The following MROH2A variants were observed in gnomAD, a reference collection of about 807,000 sequenced individuals.
MROH2A encodes maestro heat-like repeat-containing protein family member 2A.
In MROH2A, 174 loss-of-function variants were observed where a neutral mutation model predicts 200.4. That is an observed-to-expected ratio of 0.87 (90% CI 0.77 to 0.98). The LOEUF is 0.98. MROH2A is among the 50% of genes least tolerant of loss of function. The pLI is 0.00. For missense variants in MROH2A, 2,045 were observed against 2,139.6 expected, an observed-to-expected ratio of 0.96 and a Z score of 0.87; for synonymous variants, 829 against 840.4, an observed-to-expected ratio of 0.99 and a Z score of 0.23.
intron 33 of MROH2A, 54 bp from the exon 34 acceptor site, chr2:233,822,827 C>T (rs923935396): frequency 1.4e-5 from 22 of 1,539,936 alleles, no homozygotes; most frequent in Middle Eastern, 1.7e-4. Context: ...GCAGCCTCCC[C>T]AGGCCATGCG....
At position 233,828,836 on chromosome 2, in the gene MROH2A, CCT is replaced by C; in HGVS notation, c.4264-53_4264-52del. 1 of 1,549,198 alleles carries C rather than the reference CCT, an allele frequency of 6.5e-7. No homozygotes were observed. The highest frequency in any genetic ancestry group is 1.2e-5 in the South Asian group (1 of 83,948). On this transcript the variant is annotated intron_variant, in intron 36 of 41. Coordinates refer to ENST00000389758, the MANE Select transcript of MROH2A (RefSeq NM_001394639.1). The surrounding 1 kb of genome is among the most constrained non-coding windows in gnomAD (Gnocchi z 4.6). Reference sequence around the variant, plus strand: ...GGAGCTGAGGGTGCAGGCCGGGTGCCCTGGTCAGCCTGGGAGGGAGGGTGCAG... The same window carrying C: ...GGAGCTGAGGGTGCAGGCCGGGTGCCGGTCAGCCTGGGAGGGAGGGTGCAG...
intron 24 of MROH2A, among the ~76,000 whole-genome samples, 183 bp from the exon 25 acceptor site, chr2:233,813,487 A>C (rs551616650): frequency 2.0e-5 from 3 of 152,338 alleles, no homozygotes; most frequent in Non-Finnish European, 2.9e-5. Context: ...AGCAAGAGTC[A>C]CTGGACACTG....
rs1027731406 is a variant in MROH2A, at chr2:233,822,322, C to T, written c.3672+39C>T. 6 of 1,548,178 alleles carry T rather than the reference C, an allele frequency of 3.9e-6. No homozygotes were observed. In the African/African-American group the frequency reaches 4.1e-5, roughly 11 times the overall value. On this transcript the variant is annotated intron_variant, in intron 32 of 41. Coordinates refer to ENST00000389758, the MANE Select transcript of MROH2A (RefSeq NM_001394639.1). ...GCAGGCCCCAAGGCTCCTCAGGGGT[C>T]TCTGGGTAGGAGCCCGATGCCCTGG... is the stretch of plus-strand genomic sequence containing the variant.
At chr2:233,812,444 A>G (rs1021667520) in intron 24 of MROH2A, among the ~76,000 whole-genome samples, 1 of 152,226 alleles carries the variant, frequency 6.6e-6, no homozygotes, top group Non-Finnish European at 1.5e-5. Context: ...TTATAAAATT[A>G]GTATTTAAAG....
chr2:233,829,814 C>A, intron 38 of MROH2A, 39 bp downstream of exon 38: 1 of 1,290,378 alleles, frequency 7.7e-7, no homozygotes, highest in South Asian at 2.7e-5. Flanking sequence ...AGTCTGGGGC[C>A]CGCTGTTCCC....
rs549318717 is a variant in MROH2A, at chr2:233,822,473, C to T, written c.3783C>T (p.His1261=). The stretch of plus-strand genomic sequence containing the variant: ...TCCTGCTGCAGCTTGGAAGCAGCCA[C>T]CGACCAGAGGCCGCCCCGCCGGTCT... ...YTLLLQLGSS[H]RPEAAPPVLK... The change falls in exon 33 of 42, where the codon CAC becomes CAT. Residue 1261 remains histidine, a synonymous_variant. Transcript: ENST00000389758. 2 of 1,550,716 alleles carry T rather than the reference C, an allele frequency of 1.3e-6. No individual in the cohort carries two copies. Among genetic ancestry groups the T allele is most frequent in the African/African-American group, 2.7e-5 (2 of 73,182 alleles).
At chr2:233,821,774 G>A (rs951303492) in intron 31 of MROH2A, among the ~76,000 whole-genome samples, 7 of 151,978 alleles carry the variant, frequency 4.6e-5, no homozygotes, top group African/African-American at 1.5e-4. Flanking sequence ...GAAAGCTACC[G>A]ACAACCAACC....
intron 3 of MROH2A, among the ~76,000 whole-genome samples, chr2:233,787,568 TTATATATATCA>T (rs1559435356): frequency 1.1e-4 from 7 of 63,168 alleles, no homozygotes; most frequent in Admixed American, 1.0e-3. Flanking sequence ...TACATATATA[TTATATATATCA>T]TATATACATA....
intron 8 of MROH2A, among the ~76,000 whole-genome samples, chr2:233,795,315 G>C (rs1191733532): frequency 6.6e-6 from 1 of 152,040 alleles, no homozygotes; most frequent in Non-Finnish European, 1.5e-5. Context: ...TTAAAGCAAG[G>C]AGTGGAAAGG....
At chr2:233,816,729 G>A in intron 26 of MROH2A, 52 bp from the exon 27 acceptor site, 1 of 1,299,134 alleles carries the variant, frequency 7.7e-7, no homozygotes, top group Non-Finnish European at 1.1e-6. Context: ...CCAGGAAAGG[G>A]CTGGCCCCAG....
At chr2:233,827,502 T>A (rs1403514113) in intron 35 of MROH2A, among the ~76,000 whole-genome samples, 1 of 152,134 alleles carries the variant, frequency 6.6e-6, no homozygotes, top group East Asian at 1.9e-4. Flanking sequence ...TTCTCACTTA[T>A]AAGTGGGAGC....
At position 233,804,291 on chromosome 2, in the gene MROH2A, A is replaced by C. The variant is rs981389294; in HGVS notation, c.1891+99A>C. 5.8e-5 allele frequency: 87 copies of C among 1,489,406 alleles called. No homozygotes were observed. In the African/African-American group the frequency reaches 1.1e-3, roughly 19 times the overall value. 92.3% of individuals were successfully genotyped at this position (1,489,406 alleles called of 1,614,324 possible). On this transcript the variant is annotated intron_variant, in intron 17 of 41. Transcript: ENST00000389758. ...TTGAATAACGAGAGCTGAGGCTCACAGTTGACCCACACAGCCAGCCCACTT... is the reference window on the plus strand; with the variant it reads ...TTGAATAACGAGAGCTGAGGCTCACCGTTGACCCACACAGCCAGCCCACTT...
chr2:233,778,783 G>C (rs1387841731), intron 1 of MROH2A, among the ~76,000 whole-genome samples: 1 of 152,142 alleles, frequency 6.6e-6, no homozygotes, highest in Non-Finnish European at 1.5e-5. Context: ...TTAAACTAAG[G>C]ATATTATCTA....
At chr2:233,781,780 AC>A (rs1340954150) in intron 3 of MROH2A, among the ~76,000 whole-genome samples, 1 of 152,122 alleles carries the variant, frequency 6.6e-6, no homozygotes, top group Non-Finnish European at 1.5e-5. Flanking sequence ...GAGGTCTCAC[AC>A]AAAAAATCTT....
chr2:233,804,593 T>C, intron 18 of MROH2A, 46 bp downstream of exon 18: 1 of 1,528,094 alleles, frequency 6.5e-7, no homozygotes, highest in Non-Finnish European at 8.9e-7. Context: ...AGGAGAAAGA[T>C]GGGAGCAGAT....
intron 38 of MROH2A, among the ~76,000 whole-genome samples, chr2:233,830,315 G>C (rs1459703811): frequency 2.6e-5 from 4 of 152,140 alleles, no homozygotes; most frequent in Admixed American, 2.6e-4. Flanking sequence ...GGGACCTCAG[G>C]ATCCTCACTC....
intron 8 of MROH2A, 111 bp downstream of exon 8, chr2:233,794,617 T>C: frequency 1.6e-6 from 1 of 642,758 alleles, no homozygotes; most frequent in Non-Finnish European, 2.7e-6. Context: ...ATTTTGACAC[T>C]GTGTCAGGAA....
chr2:233,784,032 C>T (rs1441281618), intron 3 of MROH2A, among the ~76,000 whole-genome samples: 1 of 151,412 alleles, frequency 6.6e-6, no homozygotes, highest in Non-Finnish European at 1.5e-5. Flanking sequence ...TGTTTTATTA[C>T]TCTTGATTTT....
intron 29 of MROH2A, 106 bp downstream of exon 29, chr2:233,818,876 T>C: frequency 1.4e-6 from 1 of 691,086 alleles, no homozygotes; most frequent in East Asian, 2.7e-5. Flanking sequence ...CCAAGTTTTC[T>C]GGGGTCTCAG....
Sources: allele counts gnomAD v4.1 joint callset (sites outside exome capture counted in the v4.1 genomes callset), GRCh38; gene constraint gnomAD v4.1.1; non-coding constraint Gnocchi (gnomAD v3.1); transcripts MANE v1.5; gene names NCBI Gene and HGNC (gene_info 2026-07-23, HGNC 2026-07-21).